Variants in CALR observed in about 807,000 individuals in gnomAD.
The protein encoded by CALR is CRP55.
CALR carries 15 observed loss-of-function variants against 51.1 expected under a neutral mutation model. That is an observed-to-expected ratio of 0.29 (90% confidence interval 0.20 to 0.45). The LOEUF (loss-of-function observed/expected upper bound fraction) is 0.45, where lower values mean the gene tolerates loss of function less well. Among genes scored for constraint, CALR ranks in the 20% least tolerant of loss-of-function variants. CALR has a pLI of 1.00. For missense variants in CALR, 477 were observed against 530.6 expected (o/e 0.90, Z 0.99); for synonymous variants, 239 against 205.9 (o/e 1.16, Z -1.38).
In CALR at chr19:12,940,374, A is replaced by G. The variant is rs534189742; in HGVS notation, c.624A>G (p.Ile208Met). The part of the protein sequence containing the change: ...DDWDFLPPKK[I>M]KDPDASKPED... ...GGGACTTCCTGCCACCCAAGAAGAT[A>G]AAGGATCCTGATGCTTCAAAACCGG... The change falls in exon 5 of 9, where the codon ATA becomes ATG. Residue 208 changes from isoleucine to methionine, a missense_variant. Transcript: ENST00000316448. 2.9e-5 allele frequency: 47 copies of G among 1,614,196 alleles called. 1 individual carries two copies. The South Asian group carries it at 4.9e-4, about 17-fold the overall frequency.
In CALR at chr19:12,938,716, G is replaced by T. The variant is rs929780860; in HGVS notation, c.37G>T (p.Gly13Cys). 6.2e-7 allele frequency: 1 copy of T among 1,611,528 alleles called. No homozygotes were observed. Among genetic ancestry groups the T allele is most frequent in the Non-Finnish European group, 8.5e-7 (1 of 1,179,460 alleles). ...LSVPLLLGLL[G>C]LAVAEPAVYF... is the part of the protein sequence containing the mutation. ...CGTGCCGCTGCTGCTCGGCCTCCTCGGCCTGGCCGTCGCCGAGCCTGCCGT... is the reference window on the plus strand; with the variant it reads ...CGTGCCGCTGCTGCTCGGCCTCCTCTGCCTGGCCGTCGCCGAGCCTGCCGT... The change falls in exon 1 of 9, where the codon GGC (glycine) becomes TGC (cysteine). Residue 13 changes from glycine (G) to cysteine (C), a missense_variant. By Grantham distance (159) the Gly-to-Cys change is radical. Coordinates refer to ENST00000316448, the MANE Select transcript of CALR (RefSeq NM_004343.4).
intron 3 of CALR, 112 bp from the exon 4 acceptor site, chr19:12,939,941 C>G (rs1425087355): frequency 1.2e-6 from 1 of 823,030 alleles, no homozygotes; most frequent in African/African-American, 1.7e-5. Context: ...TTTCTCTTCT[C>G]AGCCTTGACA....
chr19:12,940,836 C>T lies in CALR; in HGVS notation c.909C>T (p.Pro303=), dbSNP rs1312662191. 1.9e-6 allele frequency: 3 copies of T among 1,614,008 alleles called. No individual in the cohort carries two copies. The highest frequency in any genetic ancestry group is 1.3e-5 in the African/African-American group (1 of 74,930). The change falls in exon 7 of 9, where the codon CCC becomes CCT. Residue 303 remains proline (P), a synonymous_variant. Transcript: ENST00000316448. ...EIDNPEYSPD[P]SIYAYDNFGV... is the part of the protein sequence containing the mutation. ...ACAACCCCGAGTATTCTCCCGATCCCAGTATCTATGCCTATGATAACTTTG... is the reference window on the plus strand; with the variant it reads ...ACAACCCCGAGTATTCTCCCGATCCTAGTATCTATGCCTATGATAACTTTG...
chr19:12,940,722 G>A lies in CALR; in HGVS notation c.817-22G>A, dbSNP rs915643856. ...AGTGCACCAACCTTACTCACCCTTC[G>A]GTTTCCTTCTCCCTTCTGCAGGGTG... On this transcript the variant is annotated intron_variant, in intron 6 of 8. Transcript: ENST00000316448. The A allele has an allele frequency of 6.2e-6, 10 of 1,614,064 alleles. No homozygotes were observed. The highest frequency in any genetic ancestry group is 6.8e-6 in the Non-Finnish European group (8 of 1,180,008).
intron 7 of CALR, among the ~76,000 whole-genome samples, chr19:12,942,631 G>A (rs979771417): frequency 1.4e-5 from 2 of 142,232 alleles, no homozygotes; most frequent in African/African-American, 2.6e-5. Context: ...GTCTTGCTCT[G>A]TCACCCAGGT....
At chr19:12,939,008 G>T in intron 1 of CALR, 126 bp from the exon 2 acceptor site, 1 of 732,294 alleles carries the variant, frequency 1.4e-6, no homozygotes, top group South Asian at 1.5e-5. Context: ...TCAAACTAGA[G>T]GTTGGAATGG....
In CALR at chr19:12,943,849, A is replaced by G. The variant is rs777934720; in HGVS notation, c.1190A>G (p.Asp397Gly). The G allele has an allele frequency of 3.8e-6, 6 of 1,581,216 alleles. No individual in the cohort carries two copies. The South Asian group carries it at 6.9e-5, about 18-fold the overall frequency. The change falls in exon 9 of 9, where the codon GAT becomes GGT. Residue 397 changes from aspartate to glycine, a missense_variant. Coordinates refer to ENST00000316448, the MANE Select transcript of CALR (RefSeq NM_004343.4). ...DDEDKDEDEE[D>G]EEDKEEDEEE... is the part of the protein sequence containing the mutation. Reference sequence around the variant, plus strand: ...GAGGACAAAGATGAGGATGAGGAGGATGAGGAGGACAAGGAGGAAGATGAG... The same window carrying G: ...GAGGACAAAGATGAGGATGAGGAGGGTGAGGAGGACAAGGAGGAAGATGAG...
Position 12,944,322 on chromosome 19 carries a change from A to G in CALR, c.*409A>G, listed in dbSNP as rs1298569703. ...GCAGCAGAAGGGGGTGGTGTCTCCA[A>G]CCCCCCAGCACTGAGGAAGAACGGG... On this transcript the variant is annotated 3_prime_UTR_variant, in exon 9 of 9. Transcript: ENST00000316448. The G allele has an allele frequency of 2.2e-5, 7 of 314,252 alleles. No homozygotes were observed. The highest frequency in any genetic ancestry group is 2.1e-4 in the South Asian group (5 of 24,246). The allele number at this position is 314,252 out of a possible 1,614,324, so 19.5% of individuals were successfully genotyped here.
intron 7 of CALR, 55 bp from the exon 8 acceptor site, chr19:12,943,482 C>G: frequency 6.6e-7 from 1 of 1,525,486 alleles, no homozygotes; most frequent in Non-Finnish European, 9.1e-7. Context: ...AAACCCTGTC[C>G]AAAGCAAGGG....
intron 7 of CALR, among the ~76,000 whole-genome samples, chr19:12,941,413 A>G (rs2146017311): frequency 6.6e-6 from 1 of 151,326 alleles, no homozygotes; most frequent in Middle Eastern, 3.5e-3. Context: ...CTCCTGCCTC[A>G]GCCTCCGGAG....
Position 12,938,761 on chromosome 19 carries a change from C to T in CALR, c.82C>T (p.Leu28=), listed in dbSNP as rs756852999. Residue 28 remains leucine (L), a synonymous_variant, in exon 1 of 9, where the codon CTG becomes TTG. Transcript: ENST00000316448. The part of the protein sequence containing the change: ...EPAVYFKEQF[L]DGDGWTSRWI... Reference sequence around the variant, plus strand: ...TGCCGTCTACTTCAAGGAGCAGTTTCTGGACGGAGGTAACGCCTGGTCCCG... The same window carrying T: ...TGCCGTCTACTTCAAGGAGCAGTTTTTGGACGGAGGTAACGCCTGGTCCCG... 2 of 1,610,234 alleles carry T rather than the reference C, an allele frequency of 1.2e-6. No individual in the cohort carries two copies. The highest frequency in any genetic ancestry group is 8.5e-7 in the Non-Finnish European group (1 of 1,178,548).
intron 3 of CALR, 30 bp from the exon 4 acceptor site, chr19:12,940,023 G>A: frequency 6.7e-7 from 1 of 1,503,410 alleles, no homozygotes; most frequent in South Asian, 1.1e-5. Context: ...GGTAGTCTCT[G>A]ACTCTTAACT....
In CALR at chr19:12,944,059, T is replaced by A; in HGVS notation, c.*146T>A. 3 of 1,271,502 alleles carry A rather than the reference T, an allele frequency of 2.4e-6. No homozygotes were observed. Among genetic ancestry groups the A allele is most frequent in the Non-Finnish European group, 3.3e-6 (3 of 905,702 alleles). The allele number at this position is 1,271,502 out of a possible 1,614,324, so 78.8% of individuals were successfully genotyped here. A position where few individuals can be genotyped will look rare whatever the true frequency, so the allele number is the denominator to read the frequency against. ...GGGGTGGATTTTGGTTTTGTTCCCC[T>A]CCTCCACTCTCCCCCACCCCCTCCC... On this transcript the variant is annotated 3_prime_UTR_variant, in exon 9 of 9. Coordinates refer to ENST00000316448, the MANE Select transcript of CALR (RefSeq NM_004343.4).
At chr19:12,939,367 C>T in intron 2 of CALR, 61 bp from the exon 3 acceptor site, 2 of 1,556,866 alleles carry the variant, frequency 1.3e-6, no homozygotes, top group Admixed American at 1.7e-5. Flanking sequence ...TCTCTATTCT[C>T]TAAGTCGAGG....
At position 12,943,817 on chromosome 19, in the gene CALR, G is replaced by T. The variant is rs1971583310; in HGVS notation, c.1158G>T (p.Glu386Asp). 1.3e-6 allele frequency: 2 copies of T among 1,581,714 alleles called. No homozygotes were observed. Among genetic ancestry groups the T allele is most frequent in the Non-Finnish European group, 1.7e-6 (2 of 1,163,570 alleles). ...RKEEEEAEDK[E>D]DDEDKDEDEE... ...AGGAGGAGGAGGCAGAGGACAAGGA[G>T]GATGATGAGGACAAAGATGAGGATG... is the stretch of plus-strand genomic sequence containing the variant. Residue 386 changes from glutamate (E) to aspartate (D), a missense_variant, in exon 9 of 9, where the codon GAG becomes GAT. By Grantham distance (45) the Glu-to-Asp change is conservative. Transcript: ENST00000316448.
At position 12,938,789 on chromosome 19, in the gene CALR, T is replaced by C; in HGVS notation, c.91+19T>C. 1.3e-6 allele frequency: 2 copies of C among 1,578,884 alleles called. No individual in the cohort carries two copies. Among genetic ancestry groups the C allele is most frequent in the Non-Finnish European group, 1.7e-6 (2 of 1,155,048 alleles). The stretch of plus-strand genomic sequence containing the variant: ...GACGGAGGTAACGCCTGGTCCCGCC[T>C]CGAGGCCGCCCCGACGACGCGGCCG... On this transcript the variant is annotated intron_variant, in intron 1 of 8. Coordinates refer to ENST00000316448, the MANE Select transcript of CALR (RefSeq NM_004343.4).
intron 1 of CALR, 112 bp from the exon 2 acceptor site, chr19:12,939,022 G>A: frequency 2.7e-6 from 2 of 748,916 alleles, no homozygotes; most frequent in Non-Finnish European, 4.8e-6. Flanking sequence ...GGAATGGGGA[G>A]TGTCGGGGAT....
In CALR at chr19:12,938,664, G is replaced by C. The variant is rs762890708; in HGVS notation, c.-16G>C. On this transcript the variant is annotated 5_prime_UTR_variant, in exon 1 of 9. Transcript: ENST00000316448. Reference sequence around the variant, plus strand: ...CGTTTTAAAGGGCCCGCGCGTTGCCGCCCCCTCGGCCCGCCATGCTGCTAT... The same window carrying C: ...CGTTTTAAAGGGCCCGCGCGTTGCCCCCCCCTCGGCCCGCCATGCTGCTAT... The C allele has an allele frequency of 3.8e-6, 6 of 1,598,244 alleles. No individual in the cohort carries two copies.
At chr19:12,939,106 T>A (rs1267932063) in intron 1 of CALR, 28 bp from the exon 2 acceptor site, 3 of 1,365,604 alleles carry the variant, frequency 2.2e-6, no homozygotes, top group Non-Finnish European at 3.1e-6. Context: ...ACAGCCGCTC[T>A]GACCTACCCC....
Sources: gnomAD v4.1 joint callset for allele counts (sites outside exome capture counted in the v4.1 genomes callset) on GRCh38, gnomAD v4.1.1 for gene constraint, MANE v1.5 for transcripts, NCBI Gene and HGNC (gene_info 2026-07-23, HGNC 2026-07-21) for gene names.